The following UNC13C variants were observed in gnomAD, a reference collection of about 807,000 sequenced individuals.
The protein encoded by UNC13C is unc-13 homolog C, also known as protein unc-13 homolog C.
UNC13C carries 174 observed loss-of-function variants against 245.4 expected under a neutral mutation model. The observed-to-expected ratio is 0.71, with a 90% CI of 0.63 to 0.80. The LOEUF is 0.80. Among genes scored for constraint, UNC13C ranks in the 30% least tolerant of loss-of-function variants. The pLI is 0.00. For missense variants in UNC13C, 2,829 were observed against 2,602.9 expected (o/e 1.09, Z -1.89); for synonymous variants, 992 against 895.1 (o/e 1.11, Z -1.93).
At chr15:53,991,842 C>T (rs755773585) in intron 1 of UNC13C, among the ~76,000 whole-genome samples, 5 of 151,974 alleles carry the variant, frequency 3.3e-5, no homozygotes, top group Non-Finnish European at 4.4e-5. Context: ...AGTCCTGTAA[C>T]GTACCTGATA....
intron 4 of UNC13C, among the ~76,000 whole-genome samples, chr15:54,196,679 A>G (rs933312424): frequency 6.6e-6 from 1 of 152,190 alleles, no homozygotes; most frequent in African/African-American, 2.4e-5. Flanking sequence ...ACTTGCAGTC[A>G]GTGAGTAATG....
intron 2 of UNC13C, among the ~76,000 whole-genome samples, chr15:54,059,804 A>G (rs578168881): frequency 6.6e-6 from 1 of 152,182 alleles, no homozygotes; most frequent in Non-Finnish European, 1.5e-5. Flanking sequence ...GCCCTCAGAA[A>G]TAATGCCTCA....
intron 29 of UNC13C, among the ~76,000 whole-genome samples, chr15:54,557,859 TTAGA>T (rs1473984856): frequency 6.6e-6 from 1 of 152,020 alleles, no homozygotes; most frequent in Non-Finnish European, 1.5e-5. Context: ...ATCCTGGGTG[TTAGA>T]TAGGTCAAGA....
At chr15:53,932,077 A>T in the UNC13C span, among the ~76,000 whole-genome samples, 5 of 152,094 alleles carry the variant, frequency 3.3e-5, no homozygotes, top group African/African-American at 1.2e-4. Context: ...TTGGGAGGCC[A>T]AGGTGGGCAG....
chr15:54,184,949 T>C (rs2033924791), intron 4 of UNC13C, among the ~76,000 whole-genome samples: 1 of 152,154 alleles, frequency 6.6e-6, no homozygotes, highest in Non-Finnish European at 1.5e-5. Flanking sequence ...GACTTTTTAA[T>C]GATCACCATT....
At chr15:54,583,123 G>A (rs1330579563) in intron 30 of UNC13C, among the ~76,000 whole-genome samples, 1 of 152,104 alleles carries the variant, frequency 6.6e-6, no homozygotes, top group Non-Finnish European at 1.5e-5. Flanking sequence ...CACAATTTGA[G>A]AACCGTTGTT....
the UNC13C span, among the ~76,000 whole-genome samples, chr15:53,889,679 G>A: frequency 2.9e-4 from 44 of 152,282 alleles, no homozygotes; most frequent in Middle Eastern, 3.4e-3. Context: ...GTATGATAAC[G>A]GCTGTGAGGT....
At chr15:54,613,716 T>C (rs1228488011) in intron 30 of UNC13C, among the ~76,000 whole-genome samples, 1 of 152,010 alleles carries the variant, frequency 6.6e-6, no homozygotes, top group Non-Finnish European at 1.5e-5. Context: ...CATGATAAAA[T>C]GCCAGGCTTA....
chr15:54,143,548 G>A (rs929376708), intron 3 of UNC13C, 72 bp from the exon 4 acceptor site: 60 of 1,291,608 alleles, frequency 4.6e-5, no homozygotes, highest in South Asian at 2.7e-4. Flanking sequence ...CCTGTGTCCC[G>A]ATTTCGTGTA....
chr15:54,424,564 T>C (rs2040719074), intron 19 of UNC13C, among the ~76,000 whole-genome samples: 1 of 151,880 alleles, frequency 6.6e-6, no homozygotes, highest in African/African-American at 2.4e-5. Context: ...CCATTTATGC[T>C]TTAGATCAAA....
chr15:54,170,168 G>A (rs531680842), intron 4 of UNC13C, among the ~76,000 whole-genome samples: 1 of 152,100 alleles, frequency 6.6e-6, no homozygotes, highest in East Asian at 1.9e-4. Flanking sequence ...AAAAAGAAAA[G>A]CTTGTCTCTA....
At chr15:53,846,634 A>T in the UNC13C span, among the ~76,000 whole-genome samples, 3 of 152,208 alleles carry the variant, frequency 2.0e-5, no homozygotes, top group Admixed American at 6.5e-5. Flanking sequence ...TTAATATGGT[A>T]ATATCTGTTT....
chr15:54,319,862 T>A (rs2038104625), intron 13 of UNC13C, among the ~76,000 whole-genome samples: 1 of 151,994 alleles, frequency 6.6e-6, no homozygotes, highest in Non-Finnish European at 1.5e-5. Flanking sequence ...AAGTCTTTTG[T>A]TGTAGTTCAA....
At chr15:54,252,182 C>G (rs2036168312) in intron 8 of UNC13C, among the ~76,000 whole-genome samples, 1 of 152,064 alleles carries the variant, frequency 6.6e-6, no homozygotes, top group South Asian at 2.1e-4. Flanking sequence ...CATCTAAGAA[C>G]AAATGGCTTA....
intron 4 of UNC13C, among the ~76,000 whole-genome samples, chr15:54,198,986 T>C (rs2034442432): frequency 6.6e-6 from 1 of 151,708 alleles, no homozygotes; most frequent in Admixed American, 6.6e-5. Context: ...ACAAAAAGCA[T>C]AAATAAAAAA....
At chr15:54,515,686 A>G (rs980762355) in intron 24 of UNC13C, among the ~76,000 whole-genome samples, 9 of 152,190 alleles carry the variant, frequency 5.9e-5, no homozygotes, top group Non-Finnish European at 1.0e-4. Flanking sequence ...GGTAGAATCC[A>G]TAGTTATCCA....
At chr15:54,354,178 GA>G (rs528202806) in intron 17 of UNC13C, among the ~76,000 whole-genome samples, 5 of 146,696 alleles carry the variant, frequency 3.4e-5, no homozygotes, top group South Asian at 2.2e-4. Context: ...TTTTCATTTA[GA>G]AAAAAAAAAG....
chr15:54,398,496 A>G (rs1227201110), intron 18 of UNC13C, among the ~76,000 whole-genome samples: 1 of 151,280 alleles, frequency 6.6e-6, no homozygotes. Flanking sequence ...CTCCAGTATA[A>G]TTTGCCAAAA....
At chr15:54,298,582 T>C (rs1158931625) in intron 12 of UNC13C, among the ~76,000 whole-genome samples, 1 of 152,090 alleles carries the variant, frequency 6.6e-6, no homozygotes, top group African/African-American at 2.4e-5. Context: ...ACCCAAAAAG[T>C]AGGGCCTAGT....
Sources: allele counts gnomAD v4.1 joint callset (sites outside exome capture counted in the v4.1 genomes callset), GRCh38; gene constraint gnomAD v4.1.1; transcripts MANE v1.5; gene names NCBI Gene and HGNC (gene_info 2026-07-23, HGNC 2026-07-21).